CYRIA: variants seen among roughly 807,000 people sequenced by gnomAD.
CYRIA encodes the protein CYFIP-related Rac1 interactor A.
A neutral mutation model predicts 43.9 loss-of-function variants in CYRIA; 15 were observed. That is an observed-to-expected ratio of 0.34 (90% CI 0.23 to 0.53). CYRIA has a LOEUF of 0.53. Among genes scored for constraint, CYRIA ranks in the 20% least tolerant of loss-of-function variants. CYRIA has a pLI of 0.94. For missense variants in CYRIA, 236 were observed against 394.2 expected (o/e 0.60, Z 3.40); for synonymous variants, 117 against 136.0 (o/e 0.86, Z 0.97).
intron 1 of CYRIA, among the ~76,000 whole-genome samples, chr2:16,627,566 T>G (rs1461634916): frequency 6.6e-6 from 1 of 152,214 alleles, no homozygotes; most frequent in Admixed American, 6.5e-5. Flanking sequence ...ACAAAATGAT[T>G]AAGTCACTTG....
rs1046404661 is a variant in CYRIA, at chr2:16,660,332, C to G, written c.-167+5448G>C. On this transcript the variant is annotated intron_variant, in intron 1 of 11. Coordinates refer to ENST00000381323, the MANE Select transcript of CYRIA (RefSeq NM_030797.4). Reference sequence around the variant, plus strand: ...AGCTTAGGTGGGCAGCCTTCCAGGACAAGCGTGTTTCTGTTTCGTGCTCCC... The same window carrying G: ...AGCTTAGGTGGGCAGCCTTCCAGGAGAAGCGTGTTTCTGTTTCGTGCTCCC... Among the ~76,000 whole-genome samples, 19 of 152,218 alleles carry G rather than the reference C, an allele frequency of 1.2e-4. 1 individual carries two copies. Among genetic ancestry groups the G allele is most frequent in the Non-Finnish European group, 5.9e-5 (4 of 68,040 alleles).
intron 1 of CYRIA, among the ~76,000 whole-genome samples, chr2:16,636,633 T>G (rs1294043649): frequency 6.6e-6 from 1 of 151,944 alleles, no homozygotes; most frequent in East Asian, 1.9e-4. Context: ...TTTGTTGAGG[T>G]CTCTACACTC....
At chr2:16,588,720 A>T (rs759367962) in intron 2 of CYRIA, among the ~76,000 whole-genome samples, 1 of 152,246 alleles carries the variant, frequency 6.6e-6, no homozygotes, top group East Asian at 1.9e-4. Flanking sequence ...CACTGCCAGG[A>T]ACTCCTCTTA....
intron 3 of CYRIA, among the ~76,000 whole-genome samples, chr2:16,570,742 A>G (rs1376951216): frequency 6.6e-6 from 1 of 152,146 alleles, no homozygotes. Context: ...CAAAGACTGA[A>G]CTTTAGTCAA....
At chr2:16,581,369 G>A (rs1667543337) in intron 3 of CYRIA, among the ~76,000 whole-genome samples, 1 of 152,064 alleles carries the variant, frequency 6.6e-6, no homozygotes, top group South Asian at 2.1e-4. Flanking sequence ...CAGTTATTAT[G>A]GAAATGCAAA....
chr2:16,569,040 A>C (rs1054728100), intron 3 of CYRIA, among the ~76,000 whole-genome samples: 4 of 152,194 alleles, frequency 2.6e-5, no homozygotes, highest in African/African-American at 9.6e-5. Flanking sequence ...ACTGTTTCTG[A>C]TAGGGTGGCC....
chr2:16,614,726 A>C (rs1668721216), intron 2 of CYRIA, among the ~76,000 whole-genome samples: 1 of 152,206 alleles, frequency 6.6e-6, no homozygotes, highest in Non-Finnish European at 1.5e-5. Flanking sequence ...TGGAAGATGG[A>C]AAATACACTG....
In CYRIA at chr2:16,623,629, T is replaced by A. The variant is rs772318643; in HGVS notation, c.-11+235A>T. 9.5e-4 allele frequency among the ~76,000 whole-genome samples: 145 copies of A among 152,296 alleles called. 1 individual carries two copies. The highest frequency in any genetic ancestry group is 3.4e-3 in the Middle Eastern group (1 of 294). On this transcript the variant is annotated intron_variant, in intron 2 of 11. Coordinates refer to ENST00000381323, the MANE Select transcript of CYRIA (RefSeq NM_030797.4). ...AAGGAACCTAGATCTACAGCTCGAC[T>A]CTGTTCTTCCCCTGCATGTAATTCT...
At chr2:16,626,720 G>A (rs62122743) in intron 1 of CYRIA, among the ~76,000 whole-genome samples, 22,666 of 152,052 alleles carry the variant, frequency 0.15, 1,914 homozygotes, top group African/African-American at 0.22. Context: ...CTCTCATCTC[G>A]CATCTCCACA....
intron 1 of CYRIA, among the ~76,000 whole-genome samples, chr2:16,626,161 G>A (rs1474097980): frequency 6.6e-6 from 1 of 151,902 alleles, no homozygotes; most frequent in Non-Finnish European, 1.5e-5. Flanking sequence ...CTTAATAACC[G>A]AATACCACTT....
chr2:16,628,719 C>T (rs1283753096), intron 1 of CYRIA, among the ~76,000 whole-genome samples: 2 of 152,218 alleles, frequency 1.3e-5, no homozygotes, highest in African/African-American at 2.4e-5. Context: ...ACAATCCACA[C>T]TCCCACAGGC....
At chr2:16,618,564 G>C (rs1282624426) in intron 2 of CYRIA, among the ~76,000 whole-genome samples, 1 of 152,190 alleles carries the variant, frequency 6.6e-6, no homozygotes, top group African/African-American at 2.4e-5. Flanking sequence ...TTTTGGTAAA[G>C]AGCATGTGAC....
At chr2:16,562,895 G>C (rs1210832864) in intron 5 of CYRIA, among the ~76,000 whole-genome samples, 1 of 152,148 alleles carries the variant, frequency 6.6e-6, no homozygotes, top group Non-Finnish European at 1.5e-5. Context: ...GAGTGGCAGA[G>C]GCGAGTAGTT....
intron 1 of CYRIA, among the ~76,000 whole-genome samples, chr2:16,658,618 T>C (rs980626585): frequency 2.6e-5 from 4 of 152,226 alleles, no homozygotes; most frequent in Admixed American, 6.5e-5. Flanking sequence ...GTAGCTGAGT[T>C]CTTGTCTCAG....
At chr2:16,616,806 T>C (rs1425890135) in intron 2 of CYRIA, among the ~76,000 whole-genome samples, 1 of 152,206 alleles carries the variant, frequency 6.6e-6, no homozygotes, top group Non-Finnish European at 1.5e-5. Flanking sequence ...CTGTATTAAC[T>C]CAGGTAGTGA....
chr2:16,600,140 A>G (rs58880546), intron 2 of CYRIA, among the ~76,000 whole-genome samples: 1,659 of 152,372 alleles, frequency 0.011, 31 homozygotes, highest in African/African-American at 0.038. Flanking sequence ...AATGTCTAAT[A>G]AAGAAAACCC....
At position 16,551,224 on chromosome 2, in the gene CYRIA, G is replaced by C. The variant is rs533558631; in HGVS notation, c.*1712C>G. Reference sequence around the variant, plus strand: ...TTTTCCCCTTTATTGGAGGATCCAAGGGAAGATCAGCTGGTCACTAAAGTC... The same window carrying C: ...TTTTCCCCTTTATTGGAGGATCCAACGGAAGATCAGCTGGTCACTAAAGTC... On this transcript the variant is annotated 3_prime_UTR_variant, in exon 12 of 12. Transcript: ENST00000381323. 6.6e-6 allele frequency: 1 copy of C among 152,282 alleles called. No homozygotes were observed. The highest frequency in any genetic ancestry group is 1.5e-5 in the Non-Finnish European group (1 of 68,018). 9.4% of individuals were successfully genotyped at this position (152,282 alleles called of 1,614,324 possible).
intron 2 of CYRIA, among the ~76,000 whole-genome samples, chr2:16,607,994 A>G (rs1208601719): frequency 5.3e-5 from 8 of 152,210 alleles, no homozygotes; most frequent in African/African-American, 1.9e-4. Flanking sequence ...AACCCCAGGC[A>G]TAAGTAAGCA....
intron 2 of CYRIA, among the ~76,000 whole-genome samples, chr2:16,590,068 GCACA>G (rs70961461): frequency 8.3e-4 from 123 of 147,658 alleles, no homozygotes; most frequent in African/African-American, 1.8e-3. Flanking sequence ...GGGCATGCAT[GCACA>G]CACACACACA....
Sources: allele counts gnomAD v4.1 joint callset (sites outside exome capture counted in the v4.1 genomes callset), GRCh38; gene constraint gnomAD v4.1.1; transcripts MANE v1.5; gene names NCBI Gene and HGNC (gene_info 2026-07-23, HGNC 2026-07-21).